GALNT17: variants seen among roughly 807,000 people sequenced by gnomAD.
The protein encoded by GALNT17 is UDP-GalNAc:polypeptide N-acetylgalactosaminyltransferase-like 3.
Under a neutral mutation model 63.7 loss-of-function variants are expected in GALNT17, and 29 were observed. That is an observed-to-expected ratio of 0.46 (90% CI 0.34 to 0.62). GALNT17 has a LOEUF of 0.62. GALNT17 is among the 20% of genes least tolerant of loss of function. The pLI, the probability that GALNT17 is intolerant of heterozygous loss-of-function variation, is 0.01. For missense variants in GALNT17, 603 were observed against 799.6 expected, an observed-to-expected ratio of 0.75 and a Z score of 2.97; for synonymous variants, 305 against 318.3, an observed-to-expected ratio of 0.96 and a Z score of 0.45.
At chr7:71,607,488 G>A (rs1790063841) in intron 6 of GALNT17, among the ~76,000 whole-genome samples, 1 of 152,170 alleles carries the variant, frequency 6.6e-6, no homozygotes, top group African/African-American at 2.4e-5. Flanking sequence ...ATAAGATAGA[G>A]GAGGGCTTTA....
chr7:71,405,344 A>G (rs1793309759), intron 3 of GALNT17, among the ~76,000 whole-genome samples: 2 of 152,146 alleles, frequency 1.3e-5, no homozygotes, highest in South Asian at 4.1e-4. Context: ...GAAGTACCTC[A>G]GGTTGGGCAT....
At chr7:71,398,018 G>A (rs1793171468) in intron 3 of GALNT17, among the ~76,000 whole-genome samples, 1 of 151,700 alleles carries the variant, frequency 6.6e-6, no homozygotes. Flanking sequence ...CTGGTTTTTT[G>A]CATGTTCTTT....
At chr7:71,167,831 A>G (rs1585853036) in intron 1 of GALNT17, among the ~76,000 whole-genome samples, 4 of 152,232 alleles carry the variant, frequency 2.6e-5, no homozygotes, top group Middle Eastern at 3.4e-3. Flanking sequence ...TTGGGATTAC[A>G]GGCGTGCGCC....
At chr7:71,499,381 C>T (rs915876448) in intron 5 of GALNT17, among the ~76,000 whole-genome samples, 2 of 152,096 alleles carry the variant, frequency 1.3e-5, no homozygotes, top group African/African-American at 2.4e-5. Context: ...GGCAACATAG[C>T]GAGACCTCCA....
At chr7:71,245,110 G>A (rs965848401) in intron 1 of GALNT17, among the ~76,000 whole-genome samples, 7 of 152,092 alleles carry the variant, frequency 4.6e-5, no homozygotes, top group Non-Finnish European at 8.8e-5. Context: ...CTTGGCTCCT[G>A]GATAATAAGT....
intron 2 of GALNT17, among the ~76,000 whole-genome samples, chr7:71,360,791 A>T (rs1051287766): frequency 3.3e-5 from 5 of 152,082 alleles, no homozygotes; most frequent in Non-Finnish European, 4.4e-5. Context: ...CACAAAAATT[A>T]GCTGGGTATG....
At chr7:71,711,751 TTCTCTTTG>T (rs1245254485) in intron 10 of GALNT17, among the ~76,000 whole-genome samples, 3 of 151,166 alleles carry the variant, frequency 2.0e-5, no homozygotes, top group Admixed American at 6.6e-5. Context: ...TTTCTTTGTC[TTCTCTTTG>T]TCTCTTTGTC....
At chr7:71,237,976 CA>C (rs1175202426) in intron 1 of GALNT17, among the ~76,000 whole-genome samples, 5 of 152,166 alleles carry the variant, frequency 3.3e-5, no homozygotes, top group African/African-American at 1.2e-4. Flanking sequence ...GGAATCTGAC[CA>C]ATGGAGTGAA....
Position 71,713,451 on chromosome 7 carries a change from C to T in GALNT17, c.*1305C>T, listed in dbSNP as rs1791824964. 1 of 152,872 alleles carries T rather than the reference C, an allele frequency of 6.5e-6. No homozygotes were observed. Among genetic ancestry groups the T allele is most frequent in the Non-Finnish European group, 1.5e-5 (1 of 68,572 alleles). The allele number at this position is 152,872 out of a possible 1,614,324, so 9.5% of individuals were successfully genotyped here. A position where few individuals can be genotyped will look rare whatever the true frequency, so the allele number is the denominator to read the frequency against. On this transcript the variant is annotated 3_prime_UTR_variant, in exon 11 of 11. Coordinates refer to ENST00000333538, the MANE Select transcript of GALNT17 (RefSeq NM_022479.3). ...CCATCTCTTTTTCCCCACACTGTCC[C>T]TGGCCAAGCCCTGCCCAGAGCTGAA...
intron 1 of GALNT17, among the ~76,000 whole-genome samples, chr7:71,160,814 A>G (rs1788329040): frequency 1.3e-5 from 2 of 152,130 alleles, no homozygotes; most frequent in Non-Finnish European, 2.9e-5. Flanking sequence ...TTTAGGCCAA[A>G]AGGTACGGCC....
intron 1 of GALNT17, among the ~76,000 whole-genome samples, chr7:71,195,338 C>G (rs1478083751): frequency 1.3e-5 from 2 of 152,106 alleles, no homozygotes; most frequent in African/African-American, 4.8e-5. Context: ...GCCTCAGTCT[C>G]CTATAGCTGG....
chr7:71,330,001 A>ATGTG (rs555643125), intron 1 of GALNT17, among the ~76,000 whole-genome samples: 1,044 of 22,680 alleles, frequency 0.046, 27 homozygotes, highest in African/African-American at 0.18. Context: ...ATATACATAT[A>ATGTG]TGTGTGTATA....
intron 1 of GALNT17, among the ~76,000 whole-genome samples, chr7:71,201,257 A>ATATAT (rs10526171): frequency 1.3e-5 from 2 of 148,286 alleles, no homozygotes; most frequent in South Asian, 2.1e-4. Context: ...ATATATATAT[A>ATATAT]ATTTGTGTGT....
At chr7:71,211,238 G>C (rs1475071827) in intron 1 of GALNT17, among the ~76,000 whole-genome samples, 1 of 152,104 alleles carries the variant, frequency 6.6e-6, no homozygotes, top group Non-Finnish European at 1.5e-5. Context: ...CATGGGGGCT[G>C]GTTTTTCCCA....
At chr7:71,385,779 G>A (rs1792932353) in intron 2 of GALNT17, among the ~76,000 whole-genome samples, 1 of 152,164 alleles carries the variant, frequency 6.6e-6, no homozygotes, top group Non-Finnish European at 1.5e-5. Flanking sequence ...AAGAAATCAA[G>A]AAATTGGCTG....
chr7:71,201,257 A>ATATATATATATATATATATAT (rs10526171), intron 1 of GALNT17, among the ~76,000 whole-genome samples: 30 of 148,202 alleles, frequency 2.0e-4, no homozygotes, highest in African/African-American at 3.3e-4. Flanking sequence ...ATATATATAT[A>ATATATATATATATATATATAT]ATTTGTGTGT....
rs752417719 is a variant in GALNT17 at position 71,677,328 on chromosome 7, G to A, written c.1500+22G>A. 5.0e-6 allele frequency: 8 copies of A among 1,608,400 alleles called. No homozygotes were observed. In the African/African-American group the frequency reaches 1.1e-4, roughly 22 times the overall value. ...ACAGGTAGGAGCTCGTCTCTGACCA[G>A]GAAGGAAGTAATATCACCATCTCCG... On this transcript the variant is annotated intron_variant, in intron 9 of 10. Transcript: ENST00000333538.
intron 5 of GALNT17, among the ~76,000 whole-genome samples, chr7:71,535,794 C>T (rs1562680677): frequency 6.6e-6 from 1 of 152,152 alleles, no homozygotes; most frequent in South Asian, 2.1e-4. Flanking sequence ...CATTTCTGGG[C>T]CAAGTGTCAA....
At chr7:71,242,286 T>TTCTTTTTCTTTTTCTTTTTTTTTTTTTTC (rs1554343530) in intron 1 of GALNT17, among the ~76,000 whole-genome samples, 1 of 132,244 alleles carries the variant, frequency 7.6e-6, no homozygotes, top group Admixed American at 8.1e-5. Context: ...TTTTTTTTTT[T>TTCTTTTTCTTTTTCTTTTTTTTTTTTTTC]TGAGACAGAG....
Sources: allele counts gnomAD v4.1 joint callset (sites outside exome capture counted in the v4.1 genomes callset), GRCh38; gene constraint gnomAD v4.1.1; transcripts MANE v1.5; gene names NCBI Gene and HGNC (gene_info 2026-07-23, HGNC 2026-07-21).